Variants in GPC6 observed in about 807,000 individuals in gnomAD.
GPC6 encodes the protein glypican-6.
A neutral mutation model predicts 55.2 loss-of-function variants in GPC6; 14 were observed. The observed-to-expected ratio is 0.25, with a 90% CI of 0.17 to 0.40. The LOEUF (loss-of-function observed/expected upper bound fraction) is 0.40. Among genes scored for constraint, GPC6 ranks in the 10% least tolerant of loss-of-function variants. GPC6 has a pLI of 1.00. For synonymous variants in GPC6, 278 were observed against 259.6 expected, an observed-to-expected ratio of 1.07 and a Z score of -0.68; for missense variants, 641 against 708.5, an observed-to-expected ratio of 0.90 and a Z score of 1.08.
At chr13:93,885,425 G>C (rs1446744962) in intron 3 of GPC6, among the ~76,000 whole-genome samples, 4 of 150,404 alleles carry the variant, frequency 2.7e-5, no homozygotes, top group African/African-American at 9.8e-5. Flanking sequence ...GCTGCAGTAA[G>C]ATTGGGAATT....
chr13:94,006,253 A>G (rs1300628038), intron 3 of GPC6, among the ~76,000 whole-genome samples: 1 of 152,180 alleles, frequency 6.6e-6, no homozygotes, highest in East Asian at 1.9e-4. Flanking sequence ...AGTGACCCCC[A>G]AATCCTGAAG....
intron 4 of GPC6, among the ~76,000 whole-genome samples, chr13:94,263,604 G>A (rs1170024694): frequency 6.6e-6 from 1 of 152,182 alleles, no homozygotes; most frequent in Non-Finnish European, 1.5e-5. Flanking sequence ...TAATAAATAG[G>A]TTAATCATAG....
intron 6 of GPC6, among the ~76,000 whole-genome samples, chr13:94,318,478 GTTATTGAATA>G (rs1378416300): frequency 2.0e-5 from 3 of 152,070 alleles, no homozygotes; most frequent in Admixed American, 2.0e-4. Context: ...TGTAATAAAA[GTTATTGAATA>G]TCATCTCTCG....
At chr13:93,397,795 T>A (rs555295874) in intron 1 of GPC6, among the ~76,000 whole-genome samples, 18 of 152,168 alleles carry the variant, frequency 1.2e-4, no homozygotes, top group Middle Eastern at 3.4e-3. Flanking sequence ...AGCTATTTTT[T>A]TTTCCTAAAA....
chr13:93,619,629 T>C (rs1426327406), intron 2 of GPC6, among the ~76,000 whole-genome samples: 1 of 152,132 alleles, frequency 6.6e-6, no homozygotes, highest in Non-Finnish European at 1.5e-5. Context: ...TTTTTAGAAA[T>C]GTTTTGGAGA....
chr13:93,610,114 A>G (rs181940230), intron 2 of GPC6, among the ~76,000 whole-genome samples: 1 of 152,288 alleles, frequency 6.6e-6, no homozygotes, highest in Admixed American at 6.5e-5. Context: ...CACCAATTTC[A>G]TGAGATACAA....
chr13:93,377,959 A>C (rs1305045853), intron 1 of GPC6, among the ~76,000 whole-genome samples: 1 of 152,204 alleles, frequency 6.6e-6, no homozygotes, highest in African/African-American at 2.4e-5. Context: ...TTCCTGTGGA[A>C]TAACATTTTC....
At chr13:93,732,271 C>G (rs1770784960) in intron 2 of GPC6, among the ~76,000 whole-genome samples, 1 of 152,074 alleles carries the variant, frequency 6.6e-6, no homozygotes, top group African/African-American at 2.4e-5. Context: ...TGGAATAAGA[C>G]ATTTTGTGCA....
intron 6 of GPC6, among the ~76,000 whole-genome samples, chr13:94,356,277 G>A (rs954085141): frequency 2.6e-5 from 4 of 152,260 alleles, no homozygotes; most frequent in South Asian, 2.1e-4. Context: ...CTTTATAACC[G>A]GATGATTTAT....
chr13:93,960,228 C>T (rs1025595773), intron 3 of GPC6, among the ~76,000 whole-genome samples: 9 of 152,142 alleles, frequency 5.9e-5, no homozygotes, highest in African/African-American at 1.9e-4. Flanking sequence ...GGTAGATGGT[C>T]ATGGATGAAA....
In GPC6 at chr13:94,021,635, T is replaced by A. The variant is rs944707618; in HGVS notation, c.712-6094T>A. Among the ~76,000 whole-genome samples the A allele has an allele frequency of 1.8e-4, 28 of 152,124 alleles. No homozygotes were observed. The East Asian group carries it at 1.9e-3, about 10-fold the overall frequency. On this transcript the variant is annotated intron_variant, in intron 3 of 8. Transcript: ENST00000377047. ...TTGCACTTTAGCCATAAAAAAAAAA[T>A]TAGTGAGTTTCCAAATGAACTCAAT...
intron 1 of GPC6, among the ~76,000 whole-genome samples, chr13:93,470,482 GT>G (rs2139327292): frequency 6.6e-6 from 1 of 151,928 alleles, no homozygotes; most frequent in East Asian, 1.9e-4. Context: ...CTGAATTGTG[GT>G]TTTTATCCTT....
intron 2 of GPC6, among the ~76,000 whole-genome samples, chr13:93,619,670 T>C (rs1026161119): frequency 2.6e-5 from 4 of 152,140 alleles, no homozygotes; most frequent in African/African-American, 9.7e-5. Flanking sequence ...CCCAGGCTGG[T>C]CTAGAACACC....
intron 1 of GPC6, among the ~76,000 whole-genome samples, chr13:93,352,139 TA>T (rs1880653381): frequency 6.6e-6 from 1 of 152,126 alleles, no homozygotes. Flanking sequence ...GTGATAAGAA[TA>T]TTTTGGAAGT....
At chr13:94,229,105 C>T (rs1212423406) in intron 4 of GPC6, among the ~76,000 whole-genome samples, 1 of 152,178 alleles carries the variant, frequency 6.6e-6, no homozygotes, top group Non-Finnish European at 1.5e-5. Context: ...AATGAAGATT[C>T]ATGCTGACAT....
chr13:93,879,303 A>G (rs1024402120), intron 3 of GPC6, among the ~76,000 whole-genome samples: 2 of 152,132 alleles, frequency 1.3e-5, no homozygotes, highest in Non-Finnish European at 2.9e-5. Context: ...ACACTACCTG[A>G]CTTCAAACTA....
At chr13:93,961,710 C>A (rs765440350) in intron 3 of GPC6, among the ~76,000 whole-genome samples, 13 of 152,130 alleles carry the variant, frequency 8.5e-5, no homozygotes, top group Admixed American at 3.9e-4. Flanking sequence ...TGATGAACTT[C>A]TACTAAAATT....
intron 2 of GPC6, among the ~76,000 whole-genome samples, chr13:93,794,496 C>G (rs1381778434): frequency 6.6e-6 from 1 of 152,172 alleles, no homozygotes; most frequent in African/African-American, 2.4e-5. Context: ...GTTTAATACA[C>G]AAGCATCAGC....
At chr13:93,785,487 G>T (rs778443088) in intron 2 of GPC6, among the ~76,000 whole-genome samples, 3 of 152,090 alleles carry the variant, frequency 2.0e-5, no homozygotes, top group African/African-American at 7.2e-5. Context: ...TGGCTCAATT[G>T]TTTCTGACAC....
Sources: gnomAD v4.1 joint callset for allele counts (sites outside exome capture counted in the v4.1 genomes callset) on GRCh38, gnomAD v4.1.1 for gene constraint, MANE v1.5 for transcripts, NCBI Gene and HGNC (gene_info 2026-07-23, HGNC 2026-07-21) for gene names.